Variants in GPC5 observed in about 807,000 individuals in gnomAD.
The protein encoded by GPC5 is glypican-5.
In GPC5, 47 loss-of-function variants were observed where a neutral mutation model predicts 53.9. That is an observed-to-expected ratio of 0.87 (90% CI 0.69 to 1.11). GPC5 has a LOEUF of 1.11. Among genes scored for constraint, GPC5 ranks in the 50% most tolerant of loss-of-function variants. The pLI is 0.00. For synonymous variants in GPC5, 286 were observed against 263.3 expected, an observed-to-expected ratio of 1.09 and a Z score of -0.84; for missense variants, 748 against 713.1, an observed-to-expected ratio of 1.05 and a Z score of -0.56.
intron 7 of GPC5, among the ~76,000 whole-genome samples, chr13:92,554,041 G>T (rs1036169176): frequency 2.0e-5 from 3 of 151,838 alleles, no homozygotes; most frequent in Non-Finnish European, 4.4e-5. Context: ...ATATACTTAT[G>T]CATACATATT....
At chr13:92,302,484 T>A (rs555003240) in intron 7 of GPC5, among the ~76,000 whole-genome samples, 1 of 152,336 alleles carries the variant, frequency 6.6e-6, no homozygotes, top group South Asian at 2.1e-4. Flanking sequence ...TAAAAAAAAT[T>A]GCTTTTTAAA....
intron 2 of GPC5, among the ~76,000 whole-genome samples, chr13:91,608,318 T>A (rs2033438979): frequency 1.3e-5 from 2 of 152,228 alleles, no homozygotes; most frequent in Non-Finnish European, 2.9e-5. Flanking sequence ...TATATGGACT[T>A]GTTCTTACAA....
In GPC5 at chr13:92,760,737, G is replaced by T. The variant is rs1875131670; in HGVS notation, c.1562-105545G>T. Among the ~76,000 whole-genome samples, 3 of 151,666 alleles carry T rather than the reference G, an allele frequency of 2.0e-5. No homozygotes were observed. In the South Asian group the frequency reaches 6.3e-4, roughly 32 times the overall value. On this transcript the variant is annotated intron_variant, in intron 7 of 7. Coordinates refer to ENST00000377067, the MANE Select transcript of GPC5 (RefSeq NM_004466.6). ...GATCTTTATTTTTTGGCTTTTTGAG[G>T]TGTAATATTAAACTATTTATTTGAG... is the stretch of plus-strand genomic sequence containing the variant.
intron 7 of GPC5, among the ~76,000 whole-genome samples, chr13:92,273,057 G>T (rs2042851385): frequency 1.3e-5 from 2 of 152,038 alleles, no homozygotes; most frequent in African/African-American, 4.8e-5. Context: ...TTTGAGATTT[G>T]GTGGTAATTT....
chr13:92,502,228 C>T (rs977243630), intron 7 of GPC5, among the ~76,000 whole-genome samples: 2 of 151,576 alleles, frequency 1.3e-5, no homozygotes, highest in African/African-American at 4.8e-5. Context: ...TGAGATACAG[C>T]TGAATGTGCA....
chr13:92,274,818 A>G (rs1425443148), intron 7 of GPC5, among the ~76,000 whole-genome samples: 1 of 152,154 alleles, frequency 6.6e-6, no homozygotes, highest in East Asian at 1.9e-4. Context: ...ATAATCATGC[A>G]TTCTGTTGAT....
intron 7 of GPC5, among the ~76,000 whole-genome samples, chr13:92,570,697 T>C (rs925920000): frequency 6.6e-6 from 1 of 152,014 alleles, no homozygotes; most frequent in Non-Finnish European, 1.5e-5. Context: ...TGGAGGAAAA[T>C]CCATATACAA....
At chr13:92,667,938 G>A (rs17188536) in intron 7 of GPC5, among the ~76,000 whole-genome samples, 33,345 of 151,948 alleles carry the variant, frequency 0.22, 4,340 homozygotes, top group South Asian at 0.36. Context: ...AAATCCGTCA[G>A]GAGTAATGTC....
chr13:91,567,517 C>T (rs1440757351), intron 2 of GPC5, among the ~76,000 whole-genome samples: 1 of 152,114 alleles, frequency 6.6e-6, no homozygotes, highest in Non-Finnish European at 1.5e-5. Context: ...GTTCTGTATG[C>T]CAAGCTCAGG....
chr13:92,019,280 C>T (rs2352537), intron 6 of GPC5, among the ~76,000 whole-genome samples: 134,337 of 151,494 alleles, frequency 0.89, 60,328 homozygotes, highest in East Asian at 1. Context: ...ATACTTATAT[C>T]CATATTTCTG....
intron 7 of GPC5, among the ~76,000 whole-genome samples, chr13:92,671,097 AAAT>A (rs1346308867): frequency 6.6e-6 from 1 of 151,976 alleles, no homozygotes; most frequent in Non-Finnish European, 1.5e-5. Flanking sequence ...AAAGTTGAAA[AAAT>A]AATATTATTT....
At chr13:91,653,678 C>T (rs2034775429) in intron 2 of GPC5, among the ~76,000 whole-genome samples, 1 of 152,032 alleles carries the variant, frequency 6.6e-6, no homozygotes, top group African/African-American at 2.4e-5. Context: ...CCCTAGCTTC[C>T]CCCTCTTTCT....
Position 92,566,928 on chromosome 13 carries a change from G to A in GPC5, c.1562-299354G>A, listed in dbSNP as rs115483758. On this transcript the variant is annotated intron_variant, in intron 7 of 7. Coordinates refer to ENST00000377067, the MANE Select transcript of GPC5 (RefSeq NM_004466.6). The stretch of plus-strand genomic sequence containing the variant: ...GCTTTTTTGCTATTATTGACCTAGA[G>A]GATGATTATAATAAATATTTGATGA... Among the ~76,000 whole-genome samples the A allele has an allele frequency of 2.3e-3, 349 of 152,088 alleles. 2 individuals are homozygous for A. Among genetic ancestry groups the A allele is most frequent in the African/African-American group, 8.1e-3 (334 of 41,488 alleles).
At chr13:91,671,286 TG>T (rs1797634294) in intron 2 of GPC5, among the ~76,000 whole-genome samples, 1 of 152,196 alleles carries the variant, frequency 6.6e-6, no homozygotes, top group Admixed American at 6.5e-5. Flanking sequence ...GGAATAGTCT[TG>T]ATACTTGAGA....
rs763650328 is a variant in GPC5, at chr13:91,523,907, C to A, written c.325+74985C>A. Among the ~76,000 whole-genome samples, 9 of 151,928 alleles carry A rather than the reference C, an allele frequency of 5.9e-5. No individual in the cohort carries two copies. The East Asian group carries it at 1.7e-3, about 29-fold the overall frequency. On this transcript the variant is annotated intron_variant, in intron 2 of 7. Transcript: ENST00000377067. ...TTTGAGTTCACCTTTAAAACCAAGT[C>A]TTGATTTTCCTTTAAAGACACAGTT... is the stretch of plus-strand genomic sequence containing the variant.
At chr13:92,838,485 C>A (rs1455964208) in intron 7 of GPC5, among the ~76,000 whole-genome samples, 1 of 145,516 alleles carries the variant, frequency 6.9e-6, no homozygotes, top group African/African-American at 2.7e-5. Context: ...TCCGCGCCCC[C>A]CCCAAAAAAA....
chr13:91,939,383 A>T (rs2039903565), intron 6 of GPC5, among the ~76,000 whole-genome samples: 2 of 152,184 alleles, frequency 1.3e-5, no homozygotes, highest in South Asian at 4.1e-4. Context: ...GTATTAGTTA[A>T]TATATGACGT....
chr13:92,434,975 T>C (rs1268893316), intron 7 of GPC5, among the ~76,000 whole-genome samples: 1 of 152,210 alleles, frequency 6.6e-6, no homozygotes, highest in Non-Finnish European at 1.5e-5. Flanking sequence ...AGGGCAGTAG[T>C]GCCATCTCAG....
At chr13:91,469,236 G>A (rs1308576740) in intron 2 of GPC5, among the ~76,000 whole-genome samples, 1 of 151,976 alleles carries the variant, frequency 6.6e-6, no homozygotes, top group Non-Finnish European at 1.5e-5. Context: ...AGCCTCCTGA[G>A]TAGCCGGGAT....
Sources: allele counts gnomAD v4.1 joint callset (sites outside exome capture counted in the v4.1 genomes callset), GRCh38; gene constraint gnomAD v4.1.1; transcripts MANE v1.5; gene names NCBI Gene and HGNC (gene_info 2026-07-23, HGNC 2026-07-21).